Variants in GRIK4 observed in about 807,000 individuals in gnomAD.
GRIK4 encodes the protein glutamate ionotropic receptor kainate type subunit 4, also known as glutamate receptor ionotropic, kainate 4.
GRIK4 carries 40 observed loss-of-function variants against 104.9 expected under a neutral mutation model. That is an observed-to-expected ratio of 0.38 (90% CI 0.30 to 0.50). The LOEUF is 0.50. GRIK4 is among the 20% of genes least tolerant of loss of function. The probability of loss-of-function intolerance (pLI) is 0.93; values close to 1 mark genes in which losing one functional copy is unlikely to be tolerated. For missense variants in GRIK4, 1,047 were observed against 1,308.1 expected (o/e 0.80, Z 3.08); for synonymous variants, 485 against 524.9 (o/e 0.92, Z 1.04).
chr11:120,592,284 G>A (rs1256759150), intron 1 of GRIK4, among the ~76,000 whole-genome samples: 3 of 152,210 alleles, frequency 2.0e-5, no homozygotes, highest in African/African-American at 7.2e-5. Context: ...CAGAACTTGT[G>A]CGGAAGTCCA....
chr11:120,673,530 C>T (rs1398717373), intron 3 of GRIK4, among the ~76,000 whole-genome samples: 3 of 152,236 alleles, frequency 2.0e-5, no homozygotes, highest in African/African-American at 4.8e-5. Flanking sequence ...GACTCAGCAT[C>T]AACCTGAGTT....
At chr11:120,875,616 G>A (rs1267553923) in intron 11 of GRIK4, among the ~76,000 whole-genome samples, 5 of 152,126 alleles carry the variant, frequency 3.3e-5, no homozygotes, top group African/African-American at 1.2e-4. Context: ...TGTGGGCCAA[G>A]GAAACCCTTC....
At chr11:120,907,480 G>A (rs187265513) in intron 13 of GRIK4, among the ~76,000 whole-genome samples, 139 of 152,166 alleles carry the variant, frequency 9.1e-4, no homozygotes, top group African/African-American at 3.2e-3. Context: ...CTGCTGCTTT[G>A]GCCTCATTGA....
At chr11:120,743,343 G>T (rs892527317) in intron 3 of GRIK4, among the ~76,000 whole-genome samples, 1 of 151,866 alleles carries the variant, frequency 6.6e-6, no homozygotes, top group Non-Finnish European at 1.5e-5. Context: ...AATACTATAT[G>T]TTCTTATTTT....
In GRIK4 at chr11:120,594,050, CT is replaced by C. The variant is rs1458648379; in HGVS notation, c.-158-59634del. 1.6e-4 allele frequency among the ~76,000 whole-genome samples: 24 copies of C among 152,348 alleles called. No homozygotes were observed. In the South Asian group the frequency reaches 4.8e-3, roughly 30 times the overall value. ...GACAGTAGCCTCCTAATTGGTTTTTCTCCTTCCACTTCTCTTGTTCCTTGTT... is the reference window on the plus strand; with the variant it reads ...GACAGTAGCCTCCTAATTGGTTTTTCCCTTCCACTTCTCTTGTTCCTTGTT... On this transcript the variant is annotated intron_variant, in intron 1 of 20. Coordinates refer to ENST00000527524, the MANE Select transcript of GRIK4 (RefSeq NM_014619.5).
chr11:120,520,687 A>G (rs1052929740), intron 1 of GRIK4, among the ~76,000 whole-genome samples: 1 of 152,204 alleles, frequency 6.6e-6, no homozygotes, highest in African/African-American at 2.4e-5. Flanking sequence ...TGGCTGCCCC[A>G]GGTTAATAGC....
chr11:120,517,987 T>TGGAAGATA (rs1565535232), intron 1 of GRIK4, among the ~76,000 whole-genome samples: 2 of 152,126 alleles, frequency 1.3e-5, no homozygotes, highest in Non-Finnish European at 2.9e-5. Flanking sequence ...TAAGAAGGCG[T>TGGAAGATA]GGAAGATAGG....
intron 3 of GRIK4, among the ~76,000 whole-genome samples, chr11:120,669,761 A>C (rs1269903395): frequency 6.6e-6 from 1 of 152,230 alleles, no homozygotes; most frequent in Non-Finnish European, 1.5e-5. Context: ...TGATCTCTGA[A>C]GATGGATGTG....
rs1942786111 is a variant in GRIK4 at position 120,903,326 on chromosome 11, C to T, written c.1273-1964C>T. Among the ~76,000 whole-genome samples, 1 of 152,126 alleles carries T rather than the reference C, an allele frequency of 6.6e-6. No individual in the cohort carries two copies. The highest frequency in any genetic ancestry group is 2.4e-5 in the African/African-American group (1 of 41,414). Reference sequence around the variant, plus strand: ...GCTCTGCTGAAAATCTTCCCACACACCAAGACTCAAGCCTATCTGCCCCAC... The same window carrying T: ...GCTCTGCTGAAAATCTTCCCACACATCAAGACTCAAGCCTATCTGCCCCAC... On this transcript the variant is annotated intron_variant, in intron 12 of 20. Transcript: ENST00000527524. This position sits in a 1 kb window ranked among gnomAD's most constrained non-coding sequence, Gnocchi z 4.4.
At chr11:120,661,881 AT>A (rs756807872) in intron 3 of GRIK4, among the ~76,000 whole-genome samples, 71 of 152,326 alleles carry the variant, frequency 4.7e-4, no homozygotes, top group Non-Finnish European at 8.7e-4. Context: ...TTCTCCGTTC[AT>A]TTTTACAGAA....
At chr11:120,811,729 A>AT (rs1952832873) in intron 4 of GRIK4, among the ~76,000 whole-genome samples, 1 of 152,196 alleles carries the variant, frequency 6.6e-6, no homozygotes. Flanking sequence ...TTAAATAAAT[A>AT]TTTTTAATAC....
intron 9 of GRIK4, chr11:120,868,439 G>A (rs1242182207): frequency 2.0e-5 from 3 of 151,220 alleles, no homozygotes; most frequent in African/African-American, 4.9e-5. Flanking sequence ...AGACAAAAGC[G>A]AGAGGCGTGC....
At chr11:120,601,755 A>G (rs1434602613) in intron 1 of GRIK4, among the ~76,000 whole-genome samples, 1 of 151,862 alleles carries the variant, frequency 6.6e-6, no homozygotes. Context: ...GAAGTATAAA[A>G]TACAAAGTGA....
Position 120,779,322 on chromosome 11 carries a change from G to A in GRIK4, c.83-23371G>A, listed in dbSNP as rs575111779. On this transcript the variant is annotated intron_variant, in intron 3 of 20. Transcript: ENST00000527524. Reference sequence around the variant, plus strand: ...AGGCCAAGCAGAGTGAGCCGGTCAGGAGCTGGAGAAAGGGCAGCTGGTGGG... The same window carrying A: ...AGGCCAAGCAGAGTGAGCCGGTCAGAAGCTGGAGAAAGGGCAGCTGGTGGG... 3.3e-5 allele frequency among the ~76,000 whole-genome samples: 5 copies of A among 152,252 alleles called. No individual in the cohort carries two copies. In the South Asian group the frequency reaches 1.0e-3, roughly 32 times the overall value.
chr11:120,889,372 C>G (rs897150612), intron 11 of GRIK4, among the ~76,000 whole-genome samples: 4 of 152,034 alleles, frequency 2.6e-5, no homozygotes, highest in African/African-American at 9.7e-5. Context: ...AGTGTTTTCA[C>G]CTGAATGTCA....
intron 3 of GRIK4, 69 bp downstream of exon 3, chr11:120,660,469 T>C: frequency 2.5e-6 from 3 of 1,219,612 alleles, no homozygotes; most frequent in Non-Finnish European, 3.6e-6. Context: ...GACATGAGAG[T>C]GCTGCACAGG....
At chr11:120,584,882 C>T (rs1008167814) in intron 1 of GRIK4, among the ~76,000 whole-genome samples, 7 of 152,184 alleles carry the variant, frequency 4.6e-5, no homozygotes, top group African/African-American at 7.2e-5. Flanking sequence ...TTTGAACCAA[C>T]CTTGCATCCC....
intron 1 of GRIK4, among the ~76,000 whole-genome samples, chr11:120,605,082 G>A (rs1324871086): frequency 6.6e-6 from 1 of 152,134 alleles, no homozygotes; most frequent in Non-Finnish European, 1.5e-5. Context: ...GCAACCTCCC[G>A]CCTTGACCTC....
At chr11:120,747,388 A>G (rs1343914889) in intron 3 of GRIK4, among the ~76,000 whole-genome samples, 2 of 152,176 alleles carry the variant, frequency 1.3e-5, no homozygotes, top group Non-Finnish European at 2.9e-5. Flanking sequence ...GACTTGCCCC[A>G]GTCTCCTCCC....
Sources: gnomAD v4.1 joint callset for allele counts (sites outside exome capture counted in the v4.1 genomes callset) on GRCh38, gnomAD v4.1.1 for gene constraint, Gnocchi (gnomAD v3.1) non-coding constraint, MANE v1.5 for transcripts, NCBI Gene and HGNC (gene_info 2026-07-23, HGNC 2026-07-21) for gene names.